The following ADGRG4 variants were observed in gnomAD, a reference collection of about 807,000 sequenced individuals.
ADGRG4 encodes adhesion G protein-coupled receptor G4, also known as G protein-coupled receptor 112.
A neutral mutation model predicts 126.2 loss-of-function variants in ADGRG4; 122 were observed. The ratio of observed to expected loss-of-function variants is 0.97; its 90% CI spans 0.83 to 1.12. ADGRG4 has a LOEUF of 1.12. ADGRG4 is among the 50% of genes most tolerant of loss of function. The pLI is 0.00. For missense variants in ADGRG4, 2,481 were observed against 2,251.8 expected, an observed-to-expected ratio of 1.10 and a Z score of -2.06; for synonymous variants, 943 against 838.7, an observed-to-expected ratio of 1.12 and a Z score of -2.15.
At chrX:136,416,295 C>T (rs1002439867) in intron 25 of ADGRG4, among the ~76,000 whole-genome samples, 159 bp from the exon 26 acceptor site, 9 of 111,325 alleles carry the variant, frequency 8.1e-5, no homozygotes, top group African/African-American at 2.6e-4. Context: ...TAATTCACCC[C>T]GGATTTTATA....
chrX:136,357,205 T>C (rs1349772895), intron 9 of ADGRG4, among the ~76,000 whole-genome samples: 1 of 111,660 alleles, frequency 9.0e-6, no homozygotes, highest in Non-Finnish European at 1.9e-5. Context: ...AACCCCTGCT[T>C]TTCCACTTCC....
chrX:136,396,407 T>A lies in ADGRG4; in HGVS notation c.8184+914T>A, dbSNP rs766607273. On this transcript the variant is annotated intron_variant, in intron 19 of 25. Transcript: ENST00000394143. ...TATATGTATGTATATATATATATTT[T>A]TTTTTTGAGATGGAGTCTTGCTCTG... Among the ~76,000 whole-genome samples the A allele has an allele frequency of 2.9e-3, 297 of 103,438 alleles. 1 individual carries two copies. The highest frequency in any genetic ancestry group is 9.6e-3 in the African/African-American group (277 of 28,728). The allele number at this position is 103,438 out of a possible 115,157, so 89.8% of individuals were successfully genotyped here. A position where few individuals can be genotyped will look rare whatever the true frequency, so the allele number is the denominator to read the frequency against.
chrX:136,405,548 T>C (rs1341897231), intron 22 of ADGRG4, 144 bp from the exon 23 acceptor site: 3 of 372,680 alleles, frequency 8.0e-6, no homozygotes, highest in Non-Finnish European at 1.3e-5. Context: ...CTGCCTCCAG[T>C]TGGTATGAGT....
intron 9 of ADGRG4, among the ~76,000 whole-genome samples, chrX:136,356,408 A>C (rs1027712890): frequency 1.8e-5 from 2 of 111,770 alleles, no homozygotes; most frequent in Admixed American, 1.9e-4. Flanking sequence ...CAGGGATTGT[A>C]AATGGTAAGT....
intron 15 of ADGRG4, among the ~76,000 whole-genome samples, chrX:136,384,494 A>T (rs1304690328): frequency 3.6e-5 from 4 of 111,709 alleles, no homozygotes; most frequent in Non-Finnish European, 7.5e-5. Flanking sequence ...TTACCTAGAT[A>T]TGTATTATTT....
At chrX:136,360,455 G>A (rs1425526062) in intron 11 of ADGRG4, among the ~76,000 whole-genome samples, 1 of 111,418 alleles carries the variant, frequency 9.0e-6, no homozygotes, top group East Asian at 2.8e-4. Context: ...CAAAAACAGA[G>A]CCCTAGACTG....
At chrX:136,338,188 C>T (rs781219314) in intron 5 of ADGRG4, among the ~76,000 whole-genome samples, 1 of 106,020 alleles carries the variant, frequency 9.4e-6, no homozygotes, top group African/African-American at 3.5e-5. Flanking sequence ...TACAGAGTCT[C>T]GTTCTGTCGC....
chrX:136,348,909 G>A lies in ADGRG4; in HGVS notation c.5203G>A (p.Val1735Ile). ...ATCTACTGTGAACAGTGGTACAGGG[G>A]TAGCTCTCACAGATACTTATTCCAG... is the stretch of plus-strand genomic sequence containing the variant. Reference protein sequence around the residue: ...SLSTVNSGTGVALTDTYSRIT... With the variant: ...SLSTVNSGTGIALTDTYSRIT... Residue 1735 changes from valine (V) to isoleucine (I), a missense_variant, in exon 6 of 26, where the codon GTA (valine) becomes ATA (isoleucine). Val to Ile is a conservative substitution (Grantham distance 29, BLOSUM62 3). Transcript: ENST00000394143. The A allele has an allele frequency of 8.3e-7, 1 of 1,204,159 alleles. No homozygotes were observed. Among genetic ancestry groups the A allele is most frequent in the Non-Finnish European group, 1.1e-6 (1 of 889,549 alleles).
At chrX:136,407,152 C>T (rs759769551) in intron 23 of ADGRG4, among the ~76,000 whole-genome samples, 2 of 110,746 alleles carry the variant, frequency 1.8e-5, no homozygotes, top group Admixed American at 9.6e-5. Context: ...TCCCTTCGTG[C>T]TCTCCACTAT....
intron 5 of ADGRG4, among the ~76,000 whole-genome samples, chrX:136,333,187 T>G (rs1440027186): frequency 1.8e-5 from 2 of 111,423 alleles, no homozygotes; most frequent in Admixed American, 1.9e-4. Context: ...CAAAAATCAA[T>G]TCAAGATGGA....
chrX:136,357,603 G>A (rs1394843438), intron 9 of ADGRG4, 101 bp from the exon 10 acceptor site: 2 of 582,939 alleles, frequency 3.4e-6, no homozygotes, highest in Admixed American at 3.2e-5. Context: ...TTACATAAAT[G>A]TGAAGCATAA....
chrX:136,317,782 T>TA (rs986317780), intron 4 of ADGRG4, among the ~76,000 whole-genome samples: 20 of 111,357 alleles, frequency 1.8e-4, no homozygotes, highest in African/African-American at 6.2e-4. Context: ...CAAACATATT[T>TA]AAAAAAATGC....
chrX:136,339,839 A>T (rs2074969371), intron 5 of ADGRG4, among the ~76,000 whole-genome samples: 1 of 112,212 alleles, frequency 8.9e-6, no homozygotes, highest in Admixed American at 9.4e-5. Context: ...ATTTGCTTTT[A>T]ACATCAGTTC....
intron 5 of ADGRG4, among the ~76,000 whole-genome samples, chrX:136,334,080 CTTTCTTTCTT>C (rs1569319275): frequency 1.3e-4 from 1 of 7,814 alleles, no homozygotes; most frequent in African/African-American, 1.3e-3. Context: ...CTCTCTCTTT[CTTTCTTTCTT>C]TCTTTCTTTC....
intron 5 of ADGRG4, among the ~76,000 whole-genome samples, chrX:136,337,336 T>C (rs998651355): frequency 1.8e-5 from 2 of 112,007 alleles, no homozygotes; most frequent in African/African-American, 6.5e-5. Flanking sequence ...TCAAATATGA[T>C]TTATAAAGCT....
chrX:136,412,415 A>G (rs1401680853), intron 24 of ADGRG4, 49 bp downstream of exon 24: 7 of 791,216 alleles, frequency 8.8e-6, no homozygotes, highest in Non-Finnish European at 1.4e-5. Context: ...GTTTTACAAA[A>G]CTGATCAGAT....
chrX:136,347,311 C>G lies in ADGRG4; in HGVS notation c.3605C>G (p.Thr1202Ser). 8.3e-7 allele frequency: 1 copy of G among 1,211,154 alleles called. No homozygotes were observed. The highest frequency in any genetic ancestry group is 1.1e-6 in the Non-Finnish European group (1 of 894,929). The change falls in exon 6 of 26, where the codon ACT becomes AGT. Residue 1202 changes from threonine to serine, a missense_variant. Transcript: ENST00000394143. Reference protein sequence around the residue: ...SGGGVVASLATGTTETSVVDE... With the variant: ...SGGGVVASLASGTTETSVVDE... Reference sequence around the variant, plus strand: ...GGTGGAGTTGTTGCCAGCTTGGCTACTGGCACCACAGAGACCTCTGTTGTT... The same window carrying G: ...GGTGGAGTTGTTGCCAGCTTGGCTAGTGGCACCACAGAGACCTCTGTTGTT...
chrX:136,383,886 T>TTC (rs1322239196), intron 15 of ADGRG4, among the ~76,000 whole-genome samples: 110 of 94,149 alleles, frequency 1.2e-3, no homozygotes, highest in East Asian at 8.5e-3. Context: ...TCTTTCTTCC[T>TTC]TTCCTTTCCT....
At chrX:136,343,148 C>G (rs1436619758) in intron 5 of ADGRG4, among the ~76,000 whole-genome samples, 1 of 109,192 alleles carries the variant, frequency 9.2e-6, no homozygotes, top group Non-Finnish European at 1.9e-5. Flanking sequence ...ATCAATAGGA[C>G]AAGATTATGG....
Sources: gnomAD v4.1 joint callset for allele counts (sites outside exome capture counted in the v4.1 genomes callset) on GRCh38, gnomAD v4.1.1 for gene constraint, MANE v1.5 for transcripts, NCBI Gene and HGNC (gene_info 2026-07-23, HGNC 2026-07-21) for gene names.